ABTB3: variants seen among roughly 807,000 people sequenced by gnomAD.
ABTB3 encodes the protein ankyrin repeat- and BTB/POZ domain-containing protein 3.
chr12:107,520,134 A>G, the ABTB3 span: 21 of 783,800 alleles, frequency 2.7e-5, no homozygotes, highest in Non-Finnish European at 2.9e-5. Flanking sequence ...TGTGGGGAGA[A>G]CAAAGGGAGT....
the ABTB3 span, among the ~76,000 whole-genome samples, chr12:107,385,628 G>A: frequency 1.3e-4 from 20 of 152,310 alleles, no homozygotes; most frequent in African/African-American, 4.6e-4. Flanking sequence ...CTGCCTGGCA[G>A]GGCTGAGATG....
chr12:107,334,935 A>G, the ABTB3 span, among the ~76,000 whole-genome samples: 1 of 152,184 alleles, frequency 6.6e-6, no homozygotes, highest in South Asian at 2.1e-4. Context: ...TTGTACCCCC[A>G]AACTCTGTGA....
chr12:107,606,002 T>G, the ABTB3 span, among the ~76,000 whole-genome samples: 1 of 152,178 alleles, frequency 6.6e-6, no homozygotes, highest in African/African-American at 2.4e-5. Flanking sequence ...AATGAAAAGT[T>G]CCATTTGGGA....
chr12:107,378,833 C>T, the ABTB3 span, among the ~76,000 whole-genome samples: 6 of 152,200 alleles, frequency 3.9e-5, no homozygotes, highest in Admixed American at 2.6e-4. Context: ...ATGCCATGCC[C>T]TGTGGACAAG....
At chr12:107,413,240 C>A in the ABTB3 span, among the ~76,000 whole-genome samples, 2 of 152,208 alleles carry the variant, frequency 1.3e-5, no homozygotes, top group Admixed American at 1.3e-4. Context: ...CGCCACTGCA[C>A]TCCAGCCTGG....
chr12:107,632,834 T>G, the ABTB3 span, among the ~76,000 whole-genome samples: 3 of 152,210 alleles, frequency 2.0e-5, no homozygotes, highest in African/African-American at 7.2e-5. Context: ...GAGGTCCTAC[T>G]TCCTTGCTGA....
chr12:107,360,847 AG>A, the ABTB3 span, among the ~76,000 whole-genome samples: 1 of 151,770 alleles, frequency 6.6e-6, no homozygotes, highest in East Asian at 1.9e-4. Flanking sequence ...TCCACCTCCC[AG>A]GTTCAAGCAA....
chr12:107,383,470 G>T, the ABTB3 span, among the ~76,000 whole-genome samples: 1 of 152,118 alleles, frequency 6.6e-6, no homozygotes, highest in South Asian at 2.1e-4. Context: ...TCTAGATTCC[G>T]GTTTTCTCTT....
the ABTB3 span, among the ~76,000 whole-genome samples, chr12:107,522,846 C>T: frequency 6.6e-6 from 1 of 151,584 alleles, no homozygotes; most frequent in Admixed American, 6.6e-5. Flanking sequence ...GGAAAAGAGG[C>T]AGAAAGATGC....
the ABTB3 span, chr12:107,618,046 C>A: frequency 1.0e-6 from 1 of 977,076 alleles, no homozygotes; most frequent in Non-Finnish European, 1.5e-6. Context: ...TTGATCTTGT[C>A]ATCACCCCTC....
At chr12:107,566,339 T>C in the ABTB3 span, among the ~76,000 whole-genome samples, 3 of 152,348 alleles carry the variant, frequency 2.0e-5, no homozygotes, top group South Asian at 6.2e-4. Context: ...TTATTCTTAT[T>C]ATCCCAGTTA....
the ABTB3 span, among the ~76,000 whole-genome samples, chr12:107,492,966 A>T: frequency 6.6e-6 from 1 of 152,010 alleles, no homozygotes; most frequent in South Asian, 2.1e-4. Context: ...CTCAGTGTTT[A>T]GTAGGTATTG....
the ABTB3 span, among the ~76,000 whole-genome samples, chr12:107,603,439 C>T: frequency 6.6e-6 from 1 of 152,154 alleles, no homozygotes; most frequent in Non-Finnish European, 1.5e-5. Flanking sequence ...CCTTCTGGGG[C>T]CTGCTTTCAA....
the ABTB3 span, among the ~76,000 whole-genome samples, chr12:107,639,625 G>T: frequency 6.6e-6 from 1 of 152,174 alleles, no homozygotes; most frequent in Non-Finnish European, 1.5e-5. Context: ...GGAGCCTCAG[G>T]TCTCAAGGGC....
the ABTB3 span, among the ~76,000 whole-genome samples, chr12:107,358,411 T>C: frequency 6.6e-6 from 1 of 152,050 alleles, no homozygotes; most frequent in African/African-American, 2.4e-5. Flanking sequence ...GTGTCTGGTG[T>C]GTTTGTAGAA....
chr12:107,562,305 C>A, the ABTB3 span, among the ~76,000 whole-genome samples: 1 of 152,174 alleles, frequency 6.6e-6, no homozygotes, highest in Non-Finnish European at 1.5e-5. Flanking sequence ...GTACTCAAAC[C>A]AAGAACAACT....
At chr12:107,445,980 A>G in the ABTB3 span, among the ~76,000 whole-genome samples, 2 of 147,476 alleles carry the variant, frequency 1.4e-5, no homozygotes, top group African/African-American at 5.0e-5. Flanking sequence ...ACATTGGCCC[A>G]TCTAGATAAT....
chr12:107,565,584 C>G, the ABTB3 span, among the ~76,000 whole-genome samples: 42 of 152,098 alleles, frequency 2.8e-4, no homozygotes, highest in African/African-American at 9.4e-4. Context: ...CCAAACACTC[C>G]CCCACTTTCC....
chr12:107,610,040 C>T, the ABTB3 span: 1 of 850,906 alleles, frequency 1.2e-6, no homozygotes, highest in South Asian at 1.6e-5. Context: ...GATCAAGAGA[C>T]ATCCGGAGGC....
Sources: allele counts gnomAD v4.1 joint callset (sites outside exome capture counted in the v4.1 genomes callset), GRCh38; gene constraint gnomAD v4.1.1; transcripts MANE v1.5; gene names NCBI Gene and HGNC (gene_info 2026-07-23, HGNC 2026-07-21).